DNAAF1: variants seen among roughly 807,000 people sequenced by gnomAD.
DNAAF1 encodes the protein dynein axonemal assembly factor 1, also known as dynein assembly factor 1, axonemal.
Under a neutral mutation model 71.1 loss-of-function variants are expected in DNAAF1, and 65 were observed. The observed-to-expected ratio is 0.91, with a 90% CI of 0.75 to 1.12. The LOEUF (loss-of-function observed/expected upper bound fraction) is 1.12. Ranked by LOEUF, DNAAF1 falls within the 50% of genes most tolerant of loss-of-function variation. The probability of loss-of-function intolerance (pLI) is 0.00; values close to 1 mark genes in which losing one functional copy is unlikely to be tolerated. For synonymous variants in DNAAF1, 414 were observed against 354.6 expected, an observed-to-expected ratio of 1.17 and a Z score of -1.88; for missense variants, 1,178 against 899.8, an observed-to-expected ratio of 1.31 and a Z score of -3.96.
chr16:84,172,243 T>A lies in DNAAF1; in HGVS notation c.1529-17T>A, dbSNP rs776092749. The A allele has an allele frequency of 6.2e-7, 1 of 1,611,658 alleles. No homozygotes were observed. Among genetic ancestry groups the A allele is most frequent in the Admixed American group, 1.7e-5 (1 of 59,794 alleles). On this transcript the variant is annotated splice_polypyrimidine_tract_variant and intron_variant, in intron 8 of 11. Transcript: ENST00000378553. Reference sequence around the variant, plus strand: ...CCGTGTGTTAAACTAACTCCAAGACTTGTTGTTGCTCTTTAGAACCGACTC... The same window carrying A: ...CCGTGTGTTAAACTAACTCCAAGACATGTTGTTGCTCTTTAGAACCGACTC...
rs1170168631 is a variant in DNAAF1, at chr16:84,173,394, G to A, written c.1644+1019G>A. Reference sequence around the variant, plus strand: ...CAGGAGAATGGCAGGAACCTGGGAGGTGGAGCTTGCAGTGAGCCGAGATCA... The same window carrying A: ...CAGGAGAATGGCAGGAACCTGGGAGATGGAGCTTGCAGTGAGCCGAGATCA... On this transcript the variant is annotated intron_variant, in intron 9 of 11. Transcript: ENST00000378553. 4 of 754,214 alleles carry A rather than the reference G, an allele frequency of 5.3e-6. No homozygotes were observed. In the East Asian group the frequency reaches 5.2e-4, roughly 98 times the overall value. 46.7% of individuals were successfully genotyped at this position (754,214 alleles called of 1,614,324 possible). A position where few individuals can be genotyped will look rare whatever the true frequency, so the allele number is the denominator to read the frequency against.
intron 6 of DNAAF1, among the ~76,000 whole-genome samples, chr16:84,160,778 C>A (rs1038486344): frequency 6.6e-6 from 1 of 150,906 alleles, no homozygotes; most frequent in Non-Finnish European, 1.5e-5. Flanking sequence ...ACTAAAAGTA[C>A]ACAAAAATTA....
intron 9 of DNAAF1, chr16:84,172,780 T>C: frequency 9.2e-7 from 1 of 1,085,564 alleles, no homozygotes. Flanking sequence ...TTATACATTG[T>C]ATCTTTTCCC....
In DNAAF1 at chr16:84,162,156, C is replaced by G. The variant is rs558909637; in HGVS notation, c.863+2360C>G. On this transcript the variant is annotated intron_variant, in intron 6 of 11. Transcript: ENST00000378553. Reference sequence around the variant, plus strand: ...GTATACTTTGCAACACCCTGTCTGACTATTTCCAAACACCTGTACCTTTGA... The same window carrying G: ...GTATACTTTGCAACACCCTGTCTGAGTATTTCCAAACACCTGTACCTTTGA... 2.6e-5 allele frequency: 4 copies of G among 152,380 alleles called. No individual in the cohort carries two copies. The South Asian group carries it at 8.3e-4, about 32-fold the overall frequency. 9.4% of individuals were successfully genotyped at this position (152,380 alleles called of 1,614,324 possible). A position where few individuals can be genotyped will look rare whatever the true frequency, so the allele number is the denominator to read the frequency against.
chr16:84,171,631 C>T (rs1011057747), intron 8 of DNAAF1, among the ~76,000 whole-genome samples: 1 of 152,106 alleles, frequency 6.6e-6, no homozygotes, highest in African/African-American at 2.4e-5. Flanking sequence ...GGCTGTGAAG[C>T]CTGCCCCTCC....
At position 84,177,847 on chromosome 16, in the gene DNAAF1, C is replaced by T. The variant is rs1597515045; in HGVS notation, c.*6C>T. ...CAGCACCGAAAGCATCATAGTTTTCCCCAGTTATATGTAGCATAAATGGTT... is the reference window on the plus strand; with the variant it reads ...CAGCACCGAAAGCATCATAGTTTTCTCCAGTTATATGTAGCATAAATGGTT... On this transcript the variant is annotated 3_prime_UTR_variant, in exon 12 of 12. Coordinates refer to ENST00000378553, the MANE Select transcript of DNAAF1 (RefSeq NM_178452.6). The T allele has an allele frequency of 6.2e-7, 1 of 1,609,428 alleles. No homozygotes were observed. The highest frequency in any genetic ancestry group is 2.2e-5 in the East Asian group (1 of 44,854).
At chr16:84,151,565 G>C (rs2087182192) in intron 3 of DNAAF1, among the ~76,000 whole-genome samples, 1 of 152,230 alleles carries the variant, frequency 6.6e-6, no homozygotes, top group South Asian at 2.1e-4. Context: ...AGAGGTAGAA[G>C]AGCTGGGAGA....
chr16:84,158,641 T>G (rs2087554219), intron 5 of DNAAF1, among the ~76,000 whole-genome samples: 1 of 152,242 alleles, frequency 6.6e-6, no homozygotes, highest in Non-Finnish European at 1.5e-5. Flanking sequence ...CCTTTATTGC[T>G]GCCTGGGTGT....
At chr16:84,148,594 C>CTTTTTTTTTT in intron 1 of DNAAF1, among the ~76,000 whole-genome samples, 1 of 30,048 alleles carries the variant, frequency 3.3e-5, no homozygotes, top group Non-Finnish European at 7.4e-5. Context: ...CTCTCTCTCT[C>CTTTTTTTTTT]TCTTTTTTTT....
rs2288019 is a variant in DNAAF1, at chr16:84,176,028, C to G, written c.1794C>G (p.Leu598=). The G allele has an allele frequency of 0.51, 826,399 of 1,613,586 alleles. 212,260 individuals are homozygous for G. Among genetic ancestry groups the G allele is most frequent in the South Asian group, 0.58 (52,956 of 91,078 alleles). ...CGTCACTCCCTGTGCTGGAAAACCTCCCCACAGACACTCTGTCAAATATAT... is the reference window on the plus strand; with the variant it reads ...CGTCACTCCCTGTGCTGGAAAACCTGCCCACAGACACTCTGTCAAATATAT... The part of the protein sequence containing the change: ...DYTSLPVLEN[L]PTDTLSNIFA... The change falls in exon 11 of 12, where the codon CTC becomes CTG. Residue 598 remains leucine, a synonymous_variant. Transcript: ENST00000378553.
intron 4 of DNAAF1, 34 bp from the exon 5 acceptor site, chr16:84,155,548 CT>C: frequency 6.2e-7 from 1 of 1,613,118 alleles, no homozygotes; most frequent in Non-Finnish European, 8.5e-7. Flanking sequence ...ATTTTTATGC[CT>C]TTGTTTTTGA....
In DNAAF1 at chr16:84,159,709, G is replaced by T; in HGVS notation, c.776G>T (p.Arg259Ile). 4 of 1,613,996 alleles carry T rather than the reference G, an allele frequency of 2.5e-6. No homozygotes were observed. Among genetic ancestry groups the T allele is most frequent in the South Asian group, 1.1e-5 (1 of 91,054 alleles). The change falls in exon 6 of 12, where the codon AGA (arginine) becomes ATA (isoleucine). Residue 259 changes from arginine (R) to isoleucine (I), a missense_variant. By Grantham distance (97) the Arg-to-Ile change is moderately conservative. Transcript: ENST00000378553. ...VLNLMGNPVI[R>I]QIPNYRRTVT... ...AATTTGATGGGAAACCCGGTTATCA[G>T]ACAGATTCCTAATTACAGAAGGACA...
chr16:84,162,273 G>C (rs2087749165), intron 6 of DNAAF1: 1 of 152,018 alleles, frequency 6.6e-6, no homozygotes, highest in South Asian at 2.1e-4. Context: ...ACTTTGTTGA[G>C]GCATAATTCA....
At chr16:84,146,168 C>A (rs537029657) in intron 1 of DNAAF1, among the ~76,000 whole-genome samples, 94 of 152,290 alleles carry the variant, frequency 6.2e-4, no homozygotes, top group African/African-American at 2.2e-3. Flanking sequence ...GTCTCCAGAG[C>A]CCCAGCCCTA....
chr16:84,158,003 C>G (rs561180527), intron 5 of DNAAF1, among the ~76,000 whole-genome samples: 15 of 152,156 alleles, frequency 9.9e-5, no homozygotes, highest in South Asian at 6.2e-4. Context: ...GTCGGGAGAT[C>G]GAGACCTTCC....
intron 9 of DNAAF1, 80 bp downstream of exon 9, chr16:84,172,455 A>G: frequency 6.4e-7 from 1 of 1,561,080 alleles, no homozygotes. Flanking sequence ...GACTTTGGAG[A>G]CCCTCGATAC....
At chr16:84,172,034 C>A (rs942400405) in intron 8 of DNAAF1, among the ~76,000 whole-genome samples, 1 of 152,142 alleles carries the variant, frequency 6.6e-6, no homozygotes, top group African/African-American at 2.4e-5. Context: ...CCCGCCACCA[C>A]ACCTGGCTAA....
chr16:84,172,729 C>A, intron 9 of DNAAF1: 1 of 1,171,044 alleles, frequency 8.5e-7, no homozygotes, highest in Non-Finnish European at 1.1e-6. Flanking sequence ...TATCCAAATT[C>A]GTGGTGAGAG....
At chr16:84,161,086 C>A (rs765408387) in intron 6 of DNAAF1, among the ~76,000 whole-genome samples, 1 of 152,150 alleles carries the variant, frequency 6.6e-6, no homozygotes, top group South Asian at 2.1e-4. Context: ...AGCTCTGCAG[C>A]CACGAGCTAC....
Sources: gnomAD v4.1 joint callset for allele counts (sites outside exome capture counted in the v4.1 genomes callset) on GRCh38, gnomAD v4.1.1 for gene constraint, MANE v1.5 for transcripts, NCBI Gene and HGNC (gene_info 2026-07-23, HGNC 2026-07-21) for gene names.